The following SLC24A2 variants were observed in gnomAD, a reference collection of about 807,000 sequenced individuals.
SLC24A2 encodes the protein solute carrier family 24 member 2, also known as sodium/potassium/calcium exchanger 2.
Under a neutral mutation model 62.0 loss-of-function variants are expected in SLC24A2, and 36 were observed. That is an observed-to-expected ratio of 0.58 (90% confidence interval 0.44 to 0.77). SLC24A2 has a LOEUF of 0.77. SLC24A2 is among the 30% of genes least tolerant of loss of function. The probability of loss-of-function intolerance (pLI) is 0.00; values close to 1 mark genes in which losing one functional copy is unlikely to be tolerated. For synonymous variants in SLC24A2, 358 were observed against 294.0 expected (o/e 1.22, Z -2.23); for missense variants, 846 against 817.9 (o/e 1.03, Z -0.42).
At chr9:20,014,244 T>C in the SLC24A2 span, among the ~76,000 whole-genome samples, 3 of 151,884 alleles carry the variant, frequency 2.0e-5, no homozygotes, top group Middle Eastern at 3.2e-3. Context: ...AGTGTTGGAG[T>C]AGATGCAGAG....
chr9:19,980,015 T>C, the SLC24A2 span, among the ~76,000 whole-genome samples: 3 of 152,136 alleles, frequency 2.0e-5, no homozygotes, highest in Admixed American at 6.6e-5. Context: ...ACTCACTGCC[T>C]AGCAGAGAAA....
chr9:20,075,884 A>G, the SLC24A2 span, among the ~76,000 whole-genome samples: 1 of 152,170 alleles, frequency 6.6e-6, no homozygotes, highest in Non-Finnish European at 1.5e-5. Flanking sequence ...TCAAATACCA[A>G]AATTCATGGA....
chr9:20,210,389 A>AGT, the SLC24A2 span, among the ~76,000 whole-genome samples: 1 of 152,242 alleles, frequency 6.6e-6, no homozygotes, highest in South Asian at 2.1e-4. Context: ...GGTAGAAAGC[A>AGT]GTGACAAAAG....
Position 19,528,157 on chromosome 9 carries a change from G to A in SLC24A2, c.1480-19C>T, listed in dbSNP as rs1209930060. On this transcript the variant is annotated intron_variant, in intron 8 of 10. Transcript: ENST00000341998. ...TCGATGACTGAAAGACAACCAGGAA[G>A]AGTTGAGAATATCAGTGTTATCCAT... 1 of 1,501,736 alleles carries A rather than the reference G, an allele frequency of 6.7e-7. No homozygotes were observed. The highest frequency in any genetic ancestry group is 9.1e-7 in the Non-Finnish European group (1 of 1,094,772). The allele number at this position is 1,501,736 out of a possible 1,614,324, so 93.0% of individuals were successfully genotyped here.
intron 2 of SLC24A2, among the ~76,000 whole-genome samples, chr9:19,684,175 T>C (rs1280786465): frequency 6.6e-6 from 1 of 152,092 alleles, no homozygotes; most frequent in Non-Finnish European, 1.5e-5. Context: ...TTTTACTGTT[T>C]TGTGACATTT....
intron 2 of SLC24A2, among the ~76,000 whole-genome samples, chr9:19,696,921 T>G (rs1820209338): frequency 6.6e-6 from 1 of 152,176 alleles, no homozygotes; most frequent in African/African-American, 2.4e-5. Flanking sequence ...GTATATAAGG[T>G]AACTTTGTCA....
At chr9:19,716,662 AG>A (rs2118626396) in intron 2 of SLC24A2, among the ~76,000 whole-genome samples, 1 of 152,250 alleles carries the variant, frequency 6.6e-6, no homozygotes, top group Non-Finnish European at 1.5e-5. Context: ...CTTTTTGATA[AG>A]CCCCTTTGCC....
At chr9:20,088,987 T>C in the SLC24A2 span, among the ~76,000 whole-genome samples, 11 of 152,316 alleles carry the variant, frequency 7.2e-5, no homozygotes, top group African/African-American at 2.6e-4. Context: ...GGTCAGACTA[T>C]TATGTGGGTC....
At chr9:19,905,774 G>T in the SLC24A2 span, among the ~76,000 whole-genome samples, 2 of 152,096 alleles carry the variant, frequency 1.3e-5, no homozygotes, top group African/African-American at 4.8e-5. Flanking sequence ...AGTTCCTGAG[G>T]ATCTGCAAAT....
the SLC24A2 span, among the ~76,000 whole-genome samples, chr9:19,905,838 C>T: frequency 1.3e-5 from 2 of 152,140 alleles, no homozygotes; most frequent in Non-Finnish European, 2.9e-5. Context: ...TGTATTAACA[C>T]TTATGTGCAC....
rs142243156 is a variant in SLC24A2, at chr9:19,517,007, G to T, written c.1737-605C>A. Among the ~76,000 whole-genome samples, 526 of 152,310 alleles carry T rather than the reference G, an allele frequency of 3.5e-3. 4 individuals are homozygous for T. The highest frequency in any genetic ancestry group is 0.012 in the African/African-American group (499 of 41,562). On this transcript the variant is annotated intron_variant, in intron 10 of 10. Transcript: ENST00000341998. Reference sequence around the variant, plus strand: ...CTTTCTGAAAGATTTAAGGAAGGCAGTATCTTACATTTGTGATGTGTGTGT... The same window carrying T: ...CTTTCTGAAAGATTTAAGGAAGGCATTATCTTACATTTGTGATGTGTGTGT...
upstream of SLC24A2, among the ~76,000 whole-genome samples, chr9:19,791,340 T>A (rs1564104164): frequency 6.6e-6 from 1 of 152,230 alleles, no homozygotes; most frequent in Non-Finnish European, 1.5e-5. Context: ...ATGCTTCACT[T>A]ACATTTCACT....
intron 7 of SLC24A2, among the ~76,000 whole-genome samples, chr9:19,569,705 C>A (rs902201475): frequency 6.6e-6 from 1 of 152,150 alleles, no homozygotes; most frequent in Admixed American, 6.5e-5. Flanking sequence ...CCAATGGCTT[C>A]TTGCTGCCCC....
the SLC24A2 span, among the ~76,000 whole-genome samples, chr9:19,958,416 T>A: frequency 6.6e-6 from 1 of 152,190 alleles, no homozygotes; most frequent in Non-Finnish European, 1.5e-5. Flanking sequence ...TTTGCCACCA[T>A]GGGGATTCCT....
At chr9:20,169,032 A>G in the SLC24A2 span, among the ~76,000 whole-genome samples, 2 of 152,070 alleles carry the variant, frequency 1.3e-5, no homozygotes, top group Non-Finnish European at 2.9e-5. Context: ...AAAAGAAATG[A>G]CATATTGATA....
intron 8 of SLC24A2, among the ~76,000 whole-genome samples, chr9:19,531,974 G>A (rs1333427136): frequency 1.3e-5 from 2 of 152,130 alleles, no homozygotes; most frequent in Admixed American, 1.3e-4. Context: ...TTGTATTCAT[G>A]AGGGTTCCAC....
chr9:19,525,175 G>A (rs1027676733), intron 9 of SLC24A2, among the ~76,000 whole-genome samples: 1 of 151,874 alleles, frequency 6.6e-6, no homozygotes, highest in African/African-American at 2.4e-5. Flanking sequence ...TATCCAGGAA[G>A]AGTAATCTGA....
the SLC24A2 span, among the ~76,000 whole-genome samples, chr9:19,853,346 T>G: frequency 2.1e-3 from 314 of 152,250 alleles, 2 homozygotes; most frequent in African/African-American, 6.5e-3. Context: ...AATACTATGT[T>G]GAATAGGAGT....
chr9:20,052,345 C>A, the SLC24A2 span, among the ~76,000 whole-genome samples: 7 of 152,198 alleles, frequency 4.6e-5, no homozygotes, highest in Non-Finnish European at 1.0e-4. Context: ...TCTCTGTCAT[C>A]TTCTCCTTTG....
Sources: allele counts gnomAD v4.1 joint callset (sites outside exome capture counted in the v4.1 genomes callset), GRCh38; gene constraint gnomAD v4.1.1; transcripts MANE v1.5; gene names NCBI Gene and HGNC (gene_info 2026-07-23, HGNC 2026-07-21).